PRKX: variants seen among roughly 807,000 people sequenced by gnomAD.
The protein encoded by PRKX is cAMP-dependent protein kinase catalytic subunit PRKX.
PRKX carries 12 observed loss-of-function variants against 22.0 expected under a neutral mutation model. The observed-to-expected ratio is 0.54, with a 90% CI of 0.35 to 0.88. The LOEUF is 0.88. PRKX is among the 40% of genes least tolerant of loss of function. PRKX has a pLI of 0.01. For missense variants in PRKX, 217 were observed against 308.0 expected (o/e 0.70, Z 2.21); for synonymous variants, 134 against 137.7 (o/e 0.97, Z 0.19).
intron 1 of PRKX, among the ~76,000 whole-genome samples, chrX:3,712,751 G>A (rs1195530702): frequency 1.8e-5 from 2 of 112,836 alleles, no homozygotes; most frequent in Non-Finnish European, 3.8e-5. Context: ...GGTCCCCCAG[G>A]CGAGGTGACC....
At chrX:3,691,807 A>C (rs1928331163) in intron 1 of PRKX, among the ~76,000 whole-genome samples, 1 of 111,366 alleles carries the variant, frequency 9.0e-6, no homozygotes, top group Non-Finnish European at 1.9e-5. Flanking sequence ...ATAGAAAGAT[A>C]GGTAGATGGG....
chrX:3,675,527 C>T (rs111262190), intron 1 of PRKX, among the ~76,000 whole-genome samples: 2 of 110,494 alleles, frequency 1.8e-5, no homozygotes, highest in Non-Finnish European at 3.8e-5. Flanking sequence ...TTCTCCTCTA[C>T]ATCCTTTTCT....
chrX:3,605,881 T>G lies in PRKX; in HGVS notation c.*3088A>C, dbSNP rs1436793502. 1.8e-5 allele frequency: 2 copies of G among 112,190 alleles called. No individual in the cohort carries two copies. Among genetic ancestry groups the G allele is most frequent in the Non-Finnish European group, 3.8e-5 (2 of 53,303 alleles). 9.2% of individuals were successfully genotyped at this position (112,190 alleles called of 1,213,427 possible). The stretch of plus-strand genomic sequence containing the variant: ...TATCATGCTGACAGCAAATATAATT[T>G]GCCCATCGCTGGCTATAGATATGTT... On this transcript the variant is annotated 3_prime_UTR_variant, in exon 9 of 9. Transcript: ENST00000262848.
At chrX:3,706,675 C>G (rs1422941275) in intron 1 of PRKX, among the ~76,000 whole-genome samples, 1 of 112,179 alleles carries the variant, frequency 8.9e-6, no homozygotes, top group African/African-American at 3.2e-5. Flanking sequence ...AGTTTAACGT[C>G]TCCCTTCTTT....
chrX:3,672,331 G>C lies in PRKX; in HGVS notation c.335+2267C>G, dbSNP rs187997334. On this transcript the variant is annotated intron_variant, in intron 2 of 8. Coordinates refer to ENST00000262848, the MANE Select transcript of PRKX (RefSeq NM_005044.5). ...ATATAAACGACTTTGTTCCTTAATT[G>C]AAAGCAGGGAATATCAAAATCAGAA... Among the ~76,000 whole-genome samples the C allele has an allele frequency of 4.3e-3, 482 of 111,927 alleles. 2 individuals carry two copies. Among genetic ancestry groups the C allele is most frequent in the African/African-American group, 0.015 (463 of 30,822 alleles).
Position 3,655,351 on chromosome X carries a change from C to T in PRKX, c.397G>A (p.Glu133Lys). 1.7e-6 allele frequency: 2 copies of T among 1,211,962 alleles called. No individual in the cohort carries two copies. Among genetic ancestry groups the T allele is most frequent in the Non-Finnish European group, 2.2e-6 (2 of 895,592 alleles). Reference protein sequence around the residue: ...YMLMEYVPGGELFSYLRNRGR... With the variant: ...YMLMEYVPGGKLFSYLRNRGR... ...CGGTTGCGCAGGTAGCTGAAGAGCT[C>T]GCCGCCCGGCACGTACTCCATGAGC... Residue 133 changes from glutamate (E) to lysine (K), a missense_variant, in exon 3 of 9, where the codon GAG (glutamate) becomes AAG (lysine). Glu to Lys is a moderately conservative substitution (Grantham distance 56). Transcript: ENST00000262848.
intron 1 of PRKX, among the ~76,000 whole-genome samples, chrX:3,689,758 A>C (rs1371565098): frequency 8.9e-6 from 1 of 112,099 alleles, no homozygotes; most frequent in Middle Eastern, 4.7e-3. Flanking sequence ...CGGGCGGATC[A>C]CAAGGTCAGG....
intron 1 of PRKX, among the ~76,000 whole-genome samples, chrX:3,695,715 T>C (rs10871867): frequency 0.43 from 47,714 of 110,849 alleles, 8,121 homozygotes; most frequent in African/African-American, 0.61. Flanking sequence ...GCTTTTAATC[T>C]TCTCTTAGGT....
intron 2 of PRKX, among the ~76,000 whole-genome samples, chrX:3,667,116 C>G (rs939004996): frequency 2.5e-4 from 28 of 111,152 alleles, no homozygotes; most frequent in Non-Finnish European, 4.3e-4. Flanking sequence ...AGTCCCCTCC[C>G]CATCCTCTCC....
rs772123797 is a variant in PRKX, at chrX:3,659,473, C to A, written c.336-4061G>T. 2.7e-5 allele frequency: 3 copies of A among 111,012 alleles called. No individual in the cohort carries two copies. The South Asian group carries it at 1.1e-3, about 42-fold the overall frequency. 9.1% of individuals were successfully genotyped at this position (111,012 alleles called of 1,213,427 possible). A position where few individuals can be genotyped will look rare whatever the true frequency, so the allele number is the denominator to read the frequency against. On this transcript the variant is annotated intron_variant, in intron 2 of 8. Transcript: ENST00000262848. ...AGGTTGCAGGAATGCCTTCTGCTCT[C>A]CACCTTGCTGCTGGATTCCTGCCCC...
intron 2 of PRKX, among the ~76,000 whole-genome samples, chrX:3,656,871 G>C (rs139953838): frequency 8.9e-6 from 1 of 111,899 alleles, no homozygotes; most frequent in East Asian, 2.8e-4. Flanking sequence ...CTGGAAGTCC[G>C]AGGTCGGGGC....
At chrX:3,633,298 C>T (rs1441662246) in intron 4 of PRKX, among the ~76,000 whole-genome samples, 5 of 108,003 alleles carry the variant, frequency 4.6e-5, no homozygotes, top group Non-Finnish European at 9.6e-5. Flanking sequence ...CAGTGGCTCA[C>T]GGCTGTCATC....
chrX:3,681,505 A>G (rs1399159252), intron 1 of PRKX, among the ~76,000 whole-genome samples: 1 of 109,459 alleles, frequency 9.1e-6, no homozygotes, highest in Non-Finnish European at 1.9e-5. Flanking sequence ...ATACAAAAAA[A>G]TTAGCCAGGC....
At position 3,665,128 on chromosome X, in the gene PRKX, ATG is replaced by A. The variant is rs201533033; in HGVS notation, c.335+9468_335+9469del. 1.8e-3 allele frequency among the ~76,000 whole-genome samples: 196 copies of A among 111,366 alleles called. 2 individuals carry two copies. The highest frequency in any genetic ancestry group is 5.8e-3 in the African/African-American group (177 of 30,480). ...TGTGCATGCATATATGTGTGCGTGCATGTGTGTGTGCACGTGCACGTGTGTGT... is the reference window on the plus strand; with the variant it reads ...TGTGCATGCATATATGTGTGCGTGCATGTGTGTGCACGTGCACGTGTGTGT... On this transcript the variant is annotated intron_variant, in intron 2 of 8. Coordinates refer to ENST00000262848, the MANE Select transcript of PRKX (RefSeq NM_005044.5).
intron 1 of PRKX, among the ~76,000 whole-genome samples, chrX:3,706,353 T>TA (rs1299558074): frequency 1.8e-5 from 2 of 110,533 alleles, no homozygotes; most frequent in African/African-American, 6.6e-5. Context: ...CCCAGCTACT[T>TA]AAAAAAATTT....
At chrX:3,705,603 G>A (rs1423632079) in intron 1 of PRKX, among the ~76,000 whole-genome samples, 1 of 111,856 alleles carries the variant, frequency 8.9e-6, no homozygotes. Flanking sequence ...CAGGGAAAAC[G>A]AGGTCACAAT....
At chrX:3,710,626 G>A (rs1336457782) in intron 1 of PRKX, among the ~76,000 whole-genome samples, 1 of 111,314 alleles carries the variant, frequency 9.0e-6, no homozygotes, top group Non-Finnish European at 1.9e-5. Context: ...CGCCTGCCTC[G>A]GCCTCCCAAA....
chrX:3,653,582 G>T (rs1371744417), intron 3 of PRKX, among the ~76,000 whole-genome samples: 8 of 95,551 alleles, frequency 8.4e-5, no homozygotes, highest in African/African-American at 3.1e-4. Flanking sequence ...TATGATATAG[G>T]TATACTATAT....
chrX:3,610,944 G>A (rs1223391884), intron 8 of PRKX: 1 of 111,365 alleles, frequency 9.0e-6, no homozygotes, highest in East Asian at 2.8e-4. Flanking sequence ...ACACATTCAG[G>A]AACATCTTAT....
Sources: gnomAD v4.1 joint callset for allele counts (sites outside exome capture counted in the v4.1 genomes callset) on GRCh38, gnomAD v4.1.1 for gene constraint, MANE v1.5 for transcripts, NCBI Gene and HGNC (gene_info 2026-07-23, HGNC 2026-07-21) for gene names.